Variants in HIBADH observed in about 807,000 individuals in gnomAD.
HIBADH encodes the protein 3-hydroxyisobutyrate dehydrogenase.
Under a neutral mutation model 36.1 loss-of-function variants are expected in HIBADH, and 25 were observed. That is an observed-to-expected ratio of 0.69 (90% CI 0.50 to 0.97). The LOEUF (loss-of-function observed/expected upper bound fraction) is 0.97, where lower values mean the gene tolerates loss of function less well. Ranked by LOEUF, HIBADH falls within the 50% of genes least tolerant of loss-of-function variation. The probability of loss-of-function intolerance (pLI) is 0.00; values close to 1 mark genes in which losing one functional copy is unlikely to be tolerated. For synonymous variants in HIBADH, 160 were observed against 149.5 expected (o/e 1.07, Z -0.51); for missense variants, 421 against 418.0 (o/e 1.01, Z -0.06).
At position 27,613,469 on chromosome 7, in the gene HIBADH, T is replaced by C. The variant is rs564476776; in HGVS notation, c.484+15902A>G. Among the ~76,000 whole-genome samples, 116 of 151,592 alleles carry C rather than the reference T, an allele frequency of 7.7e-4. 2 individuals carry two copies. The highest frequency in any genetic ancestry group is 2.6e-3 in the African/African-American group (107 of 41,446). On this transcript the variant is annotated intron_variant, in intron 4 of 7. Coordinates refer to ENST00000265395, the MANE Select transcript of HIBADH (RefSeq NM_152740.4). Reference sequence around the variant, plus strand: ...TCTTCTTTATTTAAAGAATATGTACTAAGGAACTGTCAAATCTAATTCCAA... The same window carrying C: ...TCTTCTTTATTTAAAGAATATGTACCAAGGAACTGTCAAATCTAATTCCAA...
intron 4 of HIBADH, among the ~76,000 whole-genome samples, chr7:27,554,626 A>G (rs553914915): frequency 6.6e-6 from 1 of 152,194 alleles, no homozygotes; most frequent in Non-Finnish European, 1.5e-5. Context: ...GATTATTCAC[A>G]TGAGTTCTGT....
intron 4 of HIBADH, among the ~76,000 whole-genome samples, chr7:27,603,902 T>C (rs1440532598): frequency 6.6e-6 from 1 of 152,170 alleles, no homozygotes; most frequent in Non-Finnish European, 1.5e-5. Context: ...TTGCTTTGAC[T>C]GCTAACATTT....
At chr7:27,586,502 G>C (rs1229981415) in intron 4 of HIBADH, among the ~76,000 whole-genome samples, 2 of 152,158 alleles carry the variant, frequency 1.3e-5, no homozygotes, top group Non-Finnish European at 1.5e-5. Flanking sequence ...CTATAATTTT[G>C]CTTCTAGAAA....
At chr7:27,536,829 CAG>C (rs1282257777) in intron 6 of HIBADH, among the ~76,000 whole-genome samples, 2 of 152,150 alleles carry the variant, frequency 1.3e-5, no homozygotes. Flanking sequence ...GTGAGAAGCA[CAG>C]AGTCAATGGG....
chr7:27,527,917 C>CTTTTTTTTTTTTTTTTTTTTT lies in HIBADH; in HGVS notation c.853-1546_853-1545insAAAAAAAAAAAAAAAAAAAAA, dbSNP rs1562609863. Among the ~76,000 whole-genome samples, 119 of 77,036 alleles carry CTTTTTTTTTTTTTTTTTTTTT rather than the reference C, an allele frequency of 1.5e-3. 42 individuals are homozygous for CTTTTTTTTTTTTTTTTTTTTT. The highest frequency in any genetic ancestry group is 3.2e-3 in the African/African-American group (59 of 18,318). 50.5% of individuals were successfully genotyped at this position (77,036 alleles called of 152,430 possible). A position where few individuals can be genotyped will look rare whatever the true frequency, so the allele number is the denominator to read the frequency against. On this transcript the variant is annotated intron_variant, in intron 7 of 7. Transcript: ENST00000265395. The stretch of plus-strand genomic sequence containing the variant: ...AGGCATTTGCCACCACCACACCCAG[C>CTTTTTTTTTTTTTTTTTTTTT]GTTTTTTTTTTTTTTTTTTTTTTTT...
intron 4 of HIBADH, among the ~76,000 whole-genome samples, chr7:27,546,549 G>A (rs1246964989): frequency 6.6e-6 from 1 of 152,096 alleles, no homozygotes; most frequent in African/African-American, 2.4e-5. Flanking sequence ...AGTATTAGCG[G>A]GTTTGGGCCG....
intron 4 of HIBADH, among the ~76,000 whole-genome samples, chr7:27,559,988 A>G (rs1215657141): frequency 6.6e-6 from 1 of 152,238 alleles, no homozygotes; most frequent in Admixed American, 6.5e-5. Flanking sequence ...TGTATGCATA[A>G]AAGTGCATAA....
intron 2 of HIBADH, among the ~76,000 whole-genome samples, chr7:27,648,356 C>T (rs1231024335): frequency 1.3e-5 from 2 of 152,188 alleles, no homozygotes; most frequent in Non-Finnish European, 2.9e-5. Flanking sequence ...CAAAGTCATA[C>T]TTCCATCCTC....
At chr7:27,591,532 C>A (rs1447932280) in intron 4 of HIBADH, among the ~76,000 whole-genome samples, 1 of 143,810 alleles carries the variant, frequency 7.0e-6, no homozygotes, top group African/African-American at 2.7e-5. Context: ...GCCTGGGCGA[C>A]AGAGCGAGAC....
intron 4 of HIBADH, among the ~76,000 whole-genome samples, chr7:27,603,933 T>C (rs1396401495): frequency 6.6e-6 from 1 of 152,134 alleles, no homozygotes; most frequent in Non-Finnish European, 1.5e-5. Flanking sequence ...GTACTTTCTC[T>C]CCCCTTTTCA....
At chr7:27,603,865 C>T (rs1179747699) in intron 4 of HIBADH, among the ~76,000 whole-genome samples, 1 of 152,168 alleles carries the variant, frequency 6.6e-6, no homozygotes, top group African/African-American at 2.4e-5. Context: ...ACACTTCTAT[C>T]TAAAAGAATC....
intron 4 of HIBADH, among the ~76,000 whole-genome samples, chr7:27,554,957 G>T (rs1458888740): frequency 6.6e-6 from 1 of 152,146 alleles, no homozygotes; most frequent in East Asian, 1.9e-4. Flanking sequence ...CTCAGCCAAT[G>T]CATAGCCTTT....
At chr7:27,600,815 C>T (rs1429038447) in intron 4 of HIBADH, among the ~76,000 whole-genome samples, 1 of 152,048 alleles carries the variant, frequency 6.6e-6, no homozygotes, top group Non-Finnish European at 1.5e-5. Context: ...TTTGAACACA[C>T]CAATGTAAGA....
At chr7:27,583,591 CTG>C (rs1430938726) in intron 4 of HIBADH, among the ~76,000 whole-genome samples, 9 of 152,004 alleles carry the variant, frequency 5.9e-5, no homozygotes, top group South Asian at 2.1e-4. Flanking sequence ...TAACACAACA[CTG>C]TAAAATATTT....
chr7:27,638,752 C>T (rs930658098), intron 2 of HIBADH, among the ~76,000 whole-genome samples: 3 of 151,906 alleles, frequency 2.0e-5, no homozygotes, highest in African/African-American at 7.2e-5. Flanking sequence ...CAAGCAAAAA[C>T]CAAACAACTG....
At chr7:27,596,643 G>A (rs1367385826) in intron 4 of HIBADH, among the ~76,000 whole-genome samples, 7 of 152,268 alleles carry the variant, frequency 4.6e-5, no homozygotes, top group South Asian at 2.1e-4. Context: ...AAAATATTTT[G>A]TAGTAATTTG....
intron 1 of HIBADH, among the ~76,000 whole-genome samples, chr7:27,651,123 T>A (rs1786183879): frequency 6.6e-6 from 1 of 152,230 alleles, no homozygotes; most frequent in Admixed American, 6.5e-5. Flanking sequence ...TCTTTTAAGT[T>A]TCAGGTCCCC....
At chr7:27,655,187 T>A (rs1417249788) in intron 1 of HIBADH, among the ~76,000 whole-genome samples, 1 of 152,182 alleles carries the variant, frequency 6.6e-6, no homozygotes, top group Admixed American at 6.5e-5. Flanking sequence ...ATGTAAAGTG[T>A]GAAGTCTGAA....
chr7:27,628,138 T>C (rs1441596502), intron 4 of HIBADH, among the ~76,000 whole-genome samples: 2 of 152,100 alleles, frequency 1.3e-5, no homozygotes, highest in African/African-American at 4.8e-5. Context: ...TGCTTATTAG[T>C]ATTTTGTAGG....
Sources: gnomAD v4.1 joint callset for allele counts (sites outside exome capture counted in the v4.1 genomes callset) on GRCh38, gnomAD v4.1.1 for gene constraint, MANE v1.5 for transcripts, NCBI Gene and HGNC (gene_info 2026-07-23, HGNC 2026-07-21) for gene names.